Variants in PLB1 observed in about 807,000 individuals in gnomAD.
PLB1 encodes phospholipase B1, also known as phospholipase B1, membrane-associated.
Under a neutral mutation model 227.4 loss-of-function variants are expected in PLB1, and 242 were observed. The ratio of observed to expected loss-of-function variants is 1.06; its 90% CI spans 0.96 to 1.18. The LOEUF (loss-of-function observed/expected upper bound fraction) is 1.18, where lower values mean the gene tolerates loss of function less well. Among genes scored for constraint, PLB1 ranks in the 50% most tolerant of loss-of-function variants. The probability of loss-of-function intolerance (pLI) is 0.00; values close to 1 mark genes in which losing one functional copy is unlikely to be tolerated. For missense variants in PLB1, 1,858 were observed against 1,816.3 expected, an observed-to-expected ratio of 1.02 and a Z score of -0.42; for synonymous variants, 757 against 682.2, an observed-to-expected ratio of 1.11 and a Z score of -1.71.
chr2:28,535,489 C>T (rs181641959), intron 9 of PLB1, among the ~76,000 whole-genome samples: 4 of 152,358 alleles, frequency 2.6e-5, no homozygotes, highest in Admixed American at 2.0e-4. Flanking sequence ...CCTAGTGGTA[C>T]CTCTGGCCAC....
chr2:28,575,794 G>T (rs1678821038), intron 21 of PLB1, among the ~76,000 whole-genome samples: 1 of 152,114 alleles, frequency 6.6e-6, no homozygotes, highest in African/African-American at 2.4e-5. Flanking sequence ...CTCATGATCT[G>T]CCCACCTCGG....
At chr2:28,637,570 G>T (rs1315275393) in intron 56 of PLB1, among the ~76,000 whole-genome samples, 1 of 152,176 alleles carries the variant, frequency 6.6e-6, no homozygotes, top group East Asian at 1.9e-4. Context: ...GAAGGAGGCA[G>T]GCCAGGCCCC....
intron 9 of PLB1, 85 bp from the exon 10 acceptor site, chr2:28,538,233 AG>A: frequency 6.5e-7 from 1 of 1,542,510 alleles, no homozygotes; most frequent in South Asian, 1.1e-5. Context: ...CTTGCCTGGC[AG>A]GGATGGGCCT....
chr2:28,643,348 T>C lies in PLB1; in HGVS notation c.*287T>C. On this transcript the variant is annotated 3_prime_UTR_variant, in exon 58 of 58. Transcript: ENST00000327757. ...GTGGGAGCTGCCACTTTTTGTGGCC[T>C]GCCTCCAGCAGGGCTGCCCAAGCCA... is the stretch of plus-strand genomic sequence containing the variant. 1 of 281,016 alleles carries C rather than the reference T, an allele frequency of 3.6e-6. No homozygotes were observed. The highest frequency in any genetic ancestry group is 6.6e-6 in the Non-Finnish European group (1 of 150,682). 17.4% of individuals were successfully genotyped at this position (281,016 alleles called of 1,614,324 possible).
Position 28,620,271 on chromosome 2 carries a change from G to C in PLB1, c.3322G>C (p.Val1108Leu), listed in dbSNP as rs141618093. 1.7e-4 allele frequency: 266 copies of C among 1,601,110 alleles called. No individual in the cohort carries two copies. Among genetic ancestry groups the C allele is most frequent in the Admixed American group, 5.8e-4 (34 of 58,528 alleles). The change falls in exon 47 of 58, where the codon GTG becomes CTG. Residue 1108 changes from valine (V) to leucine (L), a missense_variant. Physicochemically the swap from Val to Leu is conservative, Grantham distance 32. Coordinates refer to ENST00000327757, the MANE Select transcript of PLB1 (RefSeq NM_153021.5). Reference protein sequence around the residue: ...AALGDSLTTAVGARPNNSSDL... With the variant: ...AALGDSLTTALGARPNNSSDL... ...TTCTTTTTGCTTTTTACAGACAGCA[G>C]TGGGAGCTCGACCAAACAACTCCAG...
chr2:28,562,537 T>C, intron 17 of PLB1, among the ~76,000 whole-genome samples: 1 of 3,756 alleles, frequency 2.7e-4, no homozygotes, highest in South Asian at 0.011. Flanking sequence ...CAAGACTCTG[T>C]CTCAAAAAAA....
Position 28,565,338 on chromosome 2 carries a change from G to C in PLB1, c.1265G>C (p.Arg422Pro). 2 of 1,609,492 alleles carry C rather than the reference G, an allele frequency of 1.2e-6. No homozygotes were observed. Among genetic ancestry groups the C allele is most frequent in the Non-Finnish European group, 1.7e-6 (2 of 1,178,234 alleles). The change falls in exon 19 of 58, where the codon CGA becomes CCA. Residue 422 changes from arginine to proline, a missense_variant. By Grantham distance (103) the Arg-to-Pro change is moderately radical. Coordinates refer to ENST00000327757, the MANE Select transcript of PLB1 (RefSeq NM_153021.5). Reference protein sequence around the residue: ...GNVLDVLTQYRGLSWSVGGDE... With the variant: ...GNVLDVLTQYPGLSWSVGGDE... ...GTCTTGGACGTCTTGACTCAGTACC[G>C]AGGCCTGTCCTGGAGGTGAGTGAGG... is the stretch of plus-strand genomic sequence containing the variant.
Position 28,579,649 on chromosome 2 carries a change from G to A in PLB1, c.1508G>A (p.Trp503Ter), listed in dbSNP as rs771533691. 1 of 1,613,034 alleles carries A rather than the reference G, an allele frequency of 6.2e-7. No homozygotes were observed. The highest frequency in any genetic ancestry group is 8.5e-7 in the Non-Finnish European group (1 of 1,179,128). The change falls in exon 23 of 58, where the codon TGG becomes TAG. Residue 503 changes from tryptophan (W) to a stop codon, truncating the protein, a stop_gained. Transcript: ENST00000327757. LOFTEE classifies it high-confidence loss of function. ...NDTRIHFQED[W>*]KIITLFIGGN... is the part of the protein sequence containing the mutation. ...CAGAGGATACACTTTCAGGAAGACT[G>A]GAAGATAATAACCCTGTTTATAGGC...
At chr2:28,514,665 A>G (rs973973387) in intron 1 of PLB1, among the ~76,000 whole-genome samples, 2 of 152,132 alleles carry the variant, frequency 1.3e-5, no homozygotes, top group African/African-American at 2.4e-5. Flanking sequence ...AATCTAAAAT[A>G]TTGACTTTCT....
intron 8 of PLB1, among the ~76,000 whole-genome samples, chr2:28,531,785 A>C (rs915997364): frequency 5.9e-5 from 9 of 152,238 alleles, no homozygotes; most frequent in African/African-American, 1.9e-4. Context: ...TTTCCTTCTT[A>C]TGCATAAGGC....
intron 38 of PLB1, 70 bp from the exon 39 acceptor site, chr2:28,602,751 C>T (rs576204888): frequency 7.1e-7 from 1 of 1,403,006 alleles, no homozygotes; most frequent in African/African-American, 1.4e-5. Context: ...GAACCCATTC[C>T]TAGGGGCCCT....
At chr2:28,567,292 G>A (rs1018773793) in intron 20 of PLB1, among the ~76,000 whole-genome samples, 1 of 152,156 alleles carries the variant, frequency 6.6e-6, no homozygotes, top group Non-Finnish European at 1.5e-5. Context: ...CCAGGCACCT[G>A]GGGCGCAGGC....
At chr2:28,577,273 C>T (rs1679126335) in intron 21 of PLB1, among the ~76,000 whole-genome samples, 1 of 152,202 alleles carries the variant, frequency 6.6e-6, no homozygotes, top group African/African-American at 2.4e-5. Flanking sequence ...CCTCCAAGAT[C>T]AGTGATCTTG....
At chr2:28,566,584 G>C (rs1165811857) in intron 19 of PLB1, 10 of 543,800 alleles carry the variant, frequency 1.8e-5, no homozygotes, top group Admixed American at 1.3e-4. Flanking sequence ...CTGGTTTAAA[G>C]CTGGCGTTTT....
Position 28,590,092 on chromosome 2 carries a change from C to T in PLB1, c.2088+16C>T, listed in dbSNP as rs756394953. The stretch of plus-strand genomic sequence containing the variant: ...TCCGAACCAGGTAGAGTGGAAAGCA[C>T]GTCCTTCCAGGCTCCGGCTGCACTG... On this transcript the variant is annotated intron_variant, in intron 29 of 57. Transcript: ENST00000327757. The T allele has an allele frequency of 1.1e-5, 18 of 1,598,282 alleles. No individual in the cohort carries two copies. Among genetic ancestry groups the T allele is most frequent in the Admixed American group, 1.0e-4 (6 of 59,970 alleles).
chr2:28,514,538 G>A (rs1430749430), intron 1 of PLB1, among the ~76,000 whole-genome samples: 1 of 152,120 alleles, frequency 6.6e-6, no homozygotes, highest in African/African-American at 2.4e-5. Flanking sequence ...AAAATTATAT[G>A]GAATTCAAAC....
At chr2:28,547,418 A>C (rs1467106261) in intron 14 of PLB1, among the ~76,000 whole-genome samples, 2 of 151,830 alleles carry the variant, frequency 1.3e-5, no homozygotes, top group African/African-American at 4.8e-5. Flanking sequence ...GAGAGTTGCC[A>C]CTCCTTTTCC....
intron 41 of PLB1, among the ~76,000 whole-genome samples, chr2:28,605,199 G>A (rs192141036): frequency 2.0e-5 from 3 of 152,196 alleles, no homozygotes; most frequent in African/African-American, 7.2e-5. Context: ...GGTTATAAGG[G>A]AGCATTCTGG....
In PLB1 at chr2:28,627,459, G is replaced by A. The variant is rs546078829; in HGVS notation, c.3660+951G>A. ...CAGTCAGGTTTATACTTCCGAGAGC[G>A]TAGTTTAGTTGAAAGGGCTGGGCTG... is the stretch of plus-strand genomic sequence containing the variant. On this transcript the variant is annotated intron_variant, in intron 51 of 57. Coordinates refer to ENST00000327757, the MANE Select transcript of PLB1 (RefSeq NM_153021.5). Among the ~76,000 whole-genome samples the A allele has an allele frequency of 5.1e-4, 77 of 152,318 alleles. No individual in the cohort carries two copies. In the South Asian group the frequency reaches 0.015, roughly 30 times the overall value.
Sources: allele counts gnomAD v4.1 joint callset (sites outside exome capture counted in the v4.1 genomes callset), GRCh38; gene constraint gnomAD v4.1.1; transcripts MANE v1.5; gene names NCBI Gene and HGNC (gene_info 2026-07-23, HGNC 2026-07-21).